Variants in TIPIN observed in about 807,000 individuals in gnomAD.
TIPIN encodes TIMELESS interacting protein.
A neutral mutation model predicts 35.6 loss-of-function variants in TIPIN; 29 were observed. That is an observed-to-expected ratio of 0.82 (90% CI 0.61 to 1.11). The LOEUF (loss-of-function observed/expected upper bound fraction) is 1.11. Ranked by LOEUF, TIPIN falls within the 50% of genes most tolerant of loss-of-function variation. The pLI is 0.00. For synonymous variants in TIPIN, 102 were observed against 121.5 expected, an observed-to-expected ratio of 0.84 and a Z score of 1.06; for missense variants, 296 against 345.4, an observed-to-expected ratio of 0.86 and a Z score of 1.13.
intron 6 of TIPIN, among the ~76,000 whole-genome samples, chr15:66,344,336 C>T (rs1399640527): frequency 6.6e-6 from 1 of 151,836 alleles, no homozygotes; most frequent in African/African-American, 2.4e-5. Flanking sequence ...AATCATGGCC[C>T]TTTGGGAGAT....
At chr15:66,347,634 T>C (rs2093135924) in intron 6 of TIPIN, among the ~76,000 whole-genome samples, 1 of 152,056 alleles carries the variant, frequency 6.6e-6, no homozygotes, top group Admixed American at 6.6e-5. Flanking sequence ...CCAGGCTGGA[T>C]TGCAACGACG....
chr15:66,369,210 A>G (rs2093268739), intron 1 of TIPIN, among the ~76,000 whole-genome samples: 1 of 152,138 alleles, frequency 6.6e-6, no homozygotes, highest in East Asian at 1.9e-4. Flanking sequence ...CAATGTTATC[A>G]TTATAATAAC....
At chr15:66,385,866 C>T (rs1185092851) in intron 1 of TIPIN, among the ~76,000 whole-genome samples, 3 of 151,848 alleles carry the variant, frequency 2.0e-5, no homozygotes, top group Non-Finnish European at 4.4e-5. Context: ...CTCACTGCAG[C>T]CTCAAACTCC....
In TIPIN at chr15:66,349,214, A is replaced by G. The variant is rs905337505; in HGVS notation, c.412-91T>C. 1.1e-5 allele frequency: 17 copies of G among 1,599,014 alleles called. No individual in the cohort carries two copies. The African/African-American group carries it at 2.3e-4, about 22-fold the overall frequency. ...CTATTACTTTTCCCTCTCTACCAAA[A>G]GAGATTTCAAAATGAACACTTTAAA... On this transcript the variant is annotated intron_variant, in intron 5 of 7. Coordinates refer to ENST00000261881, the MANE Select transcript of TIPIN (RefSeq NM_017858.3).
chr15:66,347,997 A>C (rs2093138237), intron 6 of TIPIN, among the ~76,000 whole-genome samples: 1 of 108,698 alleles, frequency 9.2e-6, no homozygotes, highest in Non-Finnish European at 1.9e-5. Context: ...AACTACTTCT[A>C]TTCTTTCTTT....
intron 1 of TIPIN, chr15:66,379,954 TA>T: frequency 1.0e-6 from 1 of 995,524 alleles, no homozygotes. Context: ...GAATTTATTA[TA>T]GGATAAAAAG....
chr15:66,352,679 C>G, intron 2 of TIPIN, 136 bp downstream of exon 2: 1 of 905,270 alleles, frequency 1.1e-6, no homozygotes, highest in Non-Finnish European at 1.5e-6. Flanking sequence ...GACGGGATTT[C>G]ACCATGTTGG....
chr15:66,364,971 A>AAAAAAAAAAAGG (rs1265738152), intron 1 of TIPIN, among the ~76,000 whole-genome samples: 1 of 97,728 alleles, frequency 1.0e-5, no homozygotes, highest in Admixed American at 1.0e-4. Flanking sequence ...CATCTCAAAA[A>AAAAAAAAAAAGG]AAAAGAAAAA....
At chr15:66,339,689 C>T (rs2093071493) in intron 7 of TIPIN, among the ~76,000 whole-genome samples, 2 of 152,188 alleles carry the variant, frequency 1.3e-5, no homozygotes, top group South Asian at 4.1e-4. Context: ...GTCAAGATCA[C>T]ACCACTGCAC....
intron 6 of TIPIN, among the ~76,000 whole-genome samples, chr15:66,346,553 T>G (rs975540971): frequency 6.6e-6 from 1 of 152,116 alleles, no homozygotes; most frequent in African/African-American, 2.4e-5. Context: ...CCTACCACAC[T>G]ACTGGCAATG....
intron 7 of TIPIN, among the ~76,000 whole-genome samples, chr15:66,340,833 G>A (rs1403133042): frequency 1.3e-5 from 2 of 152,074 alleles, no homozygotes; most frequent in Non-Finnish European, 2.9e-5. Context: ...CTGACCTCAA[G>A]CGATCCACCT....
intron 1 of TIPIN, among the ~76,000 whole-genome samples, chr15:66,364,966 C>CAAAAAAAAA (rs138230933): frequency 1.6e-4 from 12 of 76,152 alleles, no homozygotes; most frequent in Non-Finnish European, 2.4e-4. Context: ...AACTCCATCT[C>CAAAAAAAAA]AAAAAAAAAG....
chr15:66,352,960 G>T lies in TIPIN; in HGVS notation c.-8-5C>A. The T allele has an allele frequency of 6.2e-7, 1 of 1,606,728 alleles. No homozygotes were observed. The highest frequency in any genetic ancestry group is 8.5e-7 in the Non-Finnish European group (1 of 1,176,736). ...GTGGTTCTAGCATCTTTTCCTCTAG[G>T]GGAAAAAATTAAAGTTATTTGTATT... On this transcript the variant is annotated splice_polypyrimidine_tract_variant and splice_region_variant and intron_variant, in intron 1 of 7. Transcript: ENST00000261881.
At chr15:66,356,791 C>A (rs927036750), upstream of TIPIN, 4 of 952,596 alleles carry the variant, frequency 4.2e-6, no homozygotes, top group Admixed American at 6.2e-5. Flanking sequence ...AAACCCGCCT[C>A]TCAGGTTCCG....
intron 1 of TIPIN, chr15:66,379,282 T>A (rs2093309242): frequency 6.6e-7 from 1 of 1,522,090 alleles, no homozygotes; most frequent in African/African-American, 1.4e-5. Context: ...ATATCACAAG[T>A]AGGTCTTAGG....
chr15:66,351,991 T>C (rs912424723), intron 3 of TIPIN, 138 bp downstream of exon 3: 2 of 670,568 alleles, frequency 3.0e-6, no homozygotes, highest in Admixed American at 3.5e-5. Flanking sequence ...AGAAAAAATA[T>C]GTTCTGCTGA....
At chr15:66,357,471 A>C (rs960466816), upstream of TIPIN, among the ~76,000 whole-genome samples, 3 of 152,062 alleles carry the variant, frequency 2.0e-5, no homozygotes, top group Non-Finnish European at 2.9e-5. Flanking sequence ...CTGTAATCCC[A>C]GCACTTTGGG....
chr15:66,379,510 C>T lies in TIPIN; in HGVS notation c.-9+7097G>A, dbSNP rs1167816596. On this transcript the variant is annotated intron_variant, in intron 1 of 7. Transcript: ENST00000562124. ...AATTCATCTTTCTGGGCTTGAGATACTGAACAAGCAACACCTGGTCTCATC... is the reference window on the plus strand; with the variant it reads ...AATTCATCTTTCTGGGCTTGAGATATTGAACAAGCAACACCTGGTCTCATC... The T allele has an allele frequency of 3.1e-6, 5 of 1,609,750 alleles. No individual in the cohort carries two copies. In the Admixed American group the frequency reaches 6.7e-5, roughly 22 times the overall value.
chr15:66,340,015 AG>A (rs1412997508), intron 7 of TIPIN, among the ~76,000 whole-genome samples: 7 of 149,376 alleles, frequency 4.7e-5, no homozygotes, highest in Admixed American at 2.7e-4. Flanking sequence ...GTTTACAGGC[AG>A]GTACACACCA....
Sources: gnomAD v4.1 joint callset for allele counts (sites outside exome capture counted in the v4.1 genomes callset) on GRCh38, gnomAD v4.1.1 for gene constraint, MANE v1.5 for transcripts, NCBI Gene and HGNC (gene_info 2026-07-23, HGNC 2026-07-21) for gene names.